The following KCNIP4 variants were observed in gnomAD, a reference collection of about 807,000 sequenced individuals.
KCNIP4 encodes the protein Kv channel-interacting protein 4.
A neutral mutation model predicts 34.0 loss-of-function variants in KCNIP4; 12 were observed. That is an observed-to-expected ratio of 0.35 (90% CI 0.23 to 0.57). The LOEUF is 0.57. KCNIP4 is among the 20% of genes least tolerant of loss of function. The pLI is 0.83. For synonymous variants in KCNIP4, 124 were observed against 102.2 expected (o/e 1.21, Z -1.29); for missense variants, 238 against 311.7 (o/e 0.76, Z 1.78).
At chr4:20,994,346 T>C (rs1239277351) in intron 1 of KCNIP4, among the ~76,000 whole-genome samples, 4 of 152,062 alleles carry the variant, frequency 2.6e-5, no homozygotes, top group Non-Finnish European at 5.9e-5. Context: ...AACAAACTAG[T>C]TGAGGTAAGT....
chr4:21,237,035 C>T (rs758851823), intron 1 of KCNIP4, among the ~76,000 whole-genome samples: 3 of 150,812 alleles, frequency 2.0e-5, no homozygotes, highest in South Asian at 2.1e-4. Flanking sequence ...ATACATTCAA[C>T]GGGTACAAAT....
chr4:21,308,779 CTG>C (rs1712790438), intron 1 of KCNIP4, among the ~76,000 whole-genome samples: 1 of 151,876 alleles, frequency 6.6e-6, no homozygotes, highest in African/African-American at 2.4e-5. Flanking sequence ...AAAAGGGACA[CTG>C]TTGTGACAGT....
chr4:21,264,412 A>T (rs943999998), intron 1 of KCNIP4, among the ~76,000 whole-genome samples: 1 of 152,196 alleles, frequency 6.6e-6, no homozygotes. Context: ...TGGCATGGAG[A>T]TGATTAGCAT....
At chr4:21,839,117 AT>A (rs1257279267) in intron 1 of KCNIP4, among the ~76,000 whole-genome samples, 1 of 152,196 alleles carries the variant, frequency 6.6e-6, no homozygotes, top group Admixed American at 6.5e-5. Flanking sequence ...TGAAATTTAT[AT>A]TCTCTCAACA....
intron 1 of KCNIP4, among the ~76,000 whole-genome samples, chr4:21,278,836 C>CA (rs1762600922): frequency 6.6e-6 from 1 of 152,072 alleles, no homozygotes; most frequent in East Asian, 1.9e-4. Flanking sequence ...CAAATGAAAA[C>CA]AAAAAGATGC....
chr4:21,707,521 A>G (rs1713377445), intron 1 of KCNIP4, among the ~76,000 whole-genome samples: 1 of 149,136 alleles, frequency 6.7e-6, no homozygotes, highest in Non-Finnish European at 1.5e-5. Flanking sequence ...CAAATAGTCC[A>G]TTGGAAATGT....
At chr4:21,222,375 A>G in intron 1 of KCNIP4, among the ~76,000 whole-genome samples, 1 of 152,190 alleles carries the variant, frequency 6.6e-6, no homozygotes. Context: ...CTTTAGAAAT[A>G]GGTCCAGTAT....
intron 1 of KCNIP4, among the ~76,000 whole-genome samples, chr4:20,970,843 T>A (rs544818698): frequency 2.6e-5 from 4 of 152,318 alleles, no homozygotes; most frequent in Middle Eastern, 6.8e-3. Flanking sequence ...ACCTAACAGT[T>A]CACTCACTCC....
intron 1 of KCNIP4, among the ~76,000 whole-genome samples, chr4:21,599,313 C>T (rs151014317): frequency 1.0e-3 from 154 of 152,020 alleles, no homozygotes; most frequent in African/African-American, 3.4e-3. Flanking sequence ...GAATCAATAA[C>T]CAAGAGTGTT....
chr4:21,240,331 A>T (rs563835514), intron 1 of KCNIP4, among the ~76,000 whole-genome samples: 28,839 of 150,158 alleles, frequency 0.19, 5,373 homozygotes, highest in African/African-American at 0.49. Flanking sequence ...ATATGTAACA[A>T]AACCTGCACA....
intron 1 of KCNIP4, among the ~76,000 whole-genome samples, chr4:20,930,584 T>G (rs144172109): frequency 6.6e-6 from 1 of 152,128 alleles, no homozygotes; most frequent in Non-Finnish European, 1.5e-5. Flanking sequence ...ACATACAGAC[T>G]GGGAAATATA....
At chr4:21,169,660 T>TTGCGTGTGTGTGTGTGTGTG (rs769666168) in intron 1 of KCNIP4, among the ~76,000 whole-genome samples, 2 of 136,208 alleles carry the variant, frequency 1.5e-5, no homozygotes, top group African/African-American at 5.7e-5. Flanking sequence ...TACTTTATAT[T>TTGCGTGTGTGTGTGTGTGTG]TGTGTGTGTG....
At chr4:21,203,896 A>G (rs1399715931) in intron 1 of KCNIP4, among the ~76,000 whole-genome samples, 2 of 152,204 alleles carry the variant, frequency 1.3e-5, no homozygotes, top group African/African-American at 4.8e-5. Flanking sequence ...AAAATTATCT[A>G]AAGTTCAACT....
intron 1 of KCNIP4, among the ~76,000 whole-genome samples, chr4:21,330,583 G>A (rs922400966): frequency 3.3e-5 from 5 of 152,098 alleles, no homozygotes; most frequent in Non-Finnish European, 5.9e-5. Context: ...TTCTGTCAAT[G>A]AGAAAATAAT....
At position 21,519,644 on chromosome 4, in the gene KCNIP4, GTGTA is replaced by G. The variant is rs1215396065; in HGVS notation, c.61+428923_61+428926del. Among the ~76,000 whole-genome samples the G allele has an allele frequency of 2.0e-4, 28 of 142,056 alleles. 2 individuals are homozygous for G. Among genetic ancestry groups the G allele is most frequent in the Admixed American group, 3.5e-4 (5 of 14,466 alleles). 93.2% of individuals were successfully genotyped at this position (142,056 alleles called of 152,430 possible). A position where few individuals can be genotyped will look rare whatever the true frequency, so the allele number is the denominator to read the frequency against. ...TGTATGTGTATATACACAAATGTGTGTGTATGTATGTGTATATATACACGTGTGT... is the reference window on the plus strand; with the variant it reads ...TGTATGTGTATATACACAAATGTGTGTGTATGTGTATATATACACGTGTGT... On this transcript the variant is annotated intron_variant, in intron 1 of 8. Coordinates refer to ENST00000382152, the MANE Select transcript of KCNIP4 (RefSeq NM_025221.6).
chr4:21,480,567 A>T (rs774181585), intron 1 of KCNIP4, among the ~76,000 whole-genome samples: 1 of 152,172 alleles, frequency 6.6e-6, no homozygotes, highest in Non-Finnish European at 1.5e-5. Flanking sequence ...ATTTAGAAAC[A>T]ATGAGACAGT....
chr4:20,896,173 G>T (rs577087320), intron 1 of KCNIP4, among the ~76,000 whole-genome samples: 1 of 152,086 alleles, frequency 6.6e-6, no homozygotes, highest in Non-Finnish European at 1.5e-5. Context: ...TGCATGCTCG[G>T]TTTGCCAGTT....
At chr4:21,221,169 C>A (rs957278015) in intron 1 of KCNIP4, among the ~76,000 whole-genome samples, 1 of 152,082 alleles carries the variant, frequency 6.6e-6, no homozygotes, top group Non-Finnish European at 1.5e-5. Context: ...TTCTTTTATC[C>A]ACTAGATTGA....
At chr4:21,244,523 A>G (rs1045663352) in intron 1 of KCNIP4, among the ~76,000 whole-genome samples, 1 of 152,216 alleles carries the variant, frequency 6.6e-6, no homozygotes, top group Non-Finnish European at 1.5e-5. Context: ...TTTGCAATTG[A>G]CTGTGGATCC....
Sources: gnomAD v4.1 joint callset for allele counts (sites outside exome capture counted in the v4.1 genomes callset) on GRCh38, gnomAD v4.1.1 for gene constraint, MANE v1.5 for transcripts, NCBI Gene and HGNC (gene_info 2026-07-23, HGNC 2026-07-21) for gene names.